The following PKLR variants were observed in gnomAD, a reference collection of about 807,000 sequenced individuals.
PKLR encodes pyruvate kinase L/R.
In PKLR, 38 loss-of-function variants were observed where a neutral mutation model predicts 53.6. The observed-to-expected ratio is 0.71, with a 90% CI of 0.55 to 0.93. The LOEUF is 0.93. PKLR is among the 40% of genes least tolerant of loss of function. PKLR has a pLI of 0.00. For synonymous variants in PKLR, 328 were observed against 316.2 expected (o/e 1.04, Z -0.39); for missense variants, 702 against 787.3 (o/e 0.89, Z 1.30).
chr1:155,308,588 TTGAG>T, the PKLR span: 3 of 985,438 alleles, frequency 3.0e-6, no homozygotes, highest in Non-Finnish European at 3.6e-6. Context: ...TAATGAAAAC[TTGAG>T]TAAGACAGGC....
At position 155,295,655 on chromosome 1, in the gene PKLR, C is replaced by T. The variant is rs8177971; in HGVS notation, c.375+10G>A. 6.2e-7 allele frequency: 1 copy of T among 1,614,074 alleles called. No homozygotes were observed. The highest frequency in any genetic ancestry group is 1.7e-5 in the Admixed American group (1 of 60,032). Reference sequence around the variant, plus strand: ...CTGCCCCACCCACTGCCCGGCGGCCCGTCCCGCACCTCGTGGGAGCCGTGG... The same window carrying T: ...CTGCCCCACCCACTGCCCGGCGGCCTGTCCCGCACCTCGTGGGAGCCGTGG... On this transcript the variant is annotated intron_variant, in intron 3 of 10. Transcript: ENST00000342741. This position sits in a 1 kb window ranked among gnomAD's most constrained non-coding sequence, Gnocchi z 4.3.
upstream of PKLR, among the ~76,000 whole-genome samples, chr1:155,302,483 C>T (rs7524950): frequency 0.35 from 52,645 of 151,482 alleles, 10,082 homozygotes; most frequent in East Asian, 0.7. Flanking sequence ...GTGATCTGCC[C>T]GCCACAGCTT....
chr1:155,290,613 AGCCAGGTC>A lies in PKLR; in HGVS notation c.1676_1683del (p.Arg559LeufsTer55), dbSNP rs771142025. 12 of 1,613,394 alleles carry A rather than the reference AGCCAGGTC, an allele frequency of 7.4e-6. No individual in the cohort carries two copies. The highest frequency in any genetic ancestry group is 1.0e-5 in the Non-Finnish European group (12 of 1,179,582). ...ACCCGCATGATGTTGGTGTAGCCGGAGCCAGGTCGCCAGCCTGTCACCACAATCACCAG... is the reference window on the plus strand; with the variant it reads ...ACCCGCATGATGTTGGTGTAGCCGGAGCCAGCCTGTCACCACAATCACCAG... On this transcript the variant is annotated frameshift_variant, in exon 11 of 11. Transcript: ENST00000342741. LOFTEE classifies it high-confidence loss of function.
At position 155,300,091 on chromosome 1, in the gene PKLR, T is replaced by G. The variant is rs765688762; in HGVS notation, c.283+7A>C. 1.2e-6 allele frequency: 2 copies of G among 1,613,182 alleles called. No homozygotes were observed. The highest frequency in any genetic ancestry group is 2.2e-5 in the South Asian group (2 of 91,062). On this transcript the variant is annotated splice_region_variant and intron_variant, in intron 2 of 10. Transcript: ENST00000342741. ...CTGTGTGGCTGCAGGGGGATGGGAGTGCTTACCGATGGTGGCAATGATGCT... is the reference window on the plus strand; with the variant it reads ...CTGTGTGGCTGCAGGGGGATGGGAGGGCTTACCGATGGTGGCAATGATGCT...
chr1:155,294,451 G>C, intron 6 of PKLR, 31 bp downstream of exon 6: 1 of 1,614,232 alleles, frequency 6.2e-7, no homozygotes, highest in Non-Finnish European at 8.5e-7. Flanking sequence ...AATAGCGACA[G>C]GGCCGAAGGG....
At chr1:155,299,069 CTTCT>C (rs1482899761) in intron 2 of PKLR, among the ~76,000 whole-genome samples, 1 of 138,164 alleles carries the variant, frequency 7.2e-6, no homozygotes. Context: ...TCCTTCCTTC[CTTCT>C]TTCTTTTCTT....
rs1647479362 is a variant in PKLR at position 155,295,050 on chromosome 1, G to T, written c.694+66C>A. On this transcript the variant is annotated intron_variant, in intron 5 of 10. Coordinates refer to ENST00000342741, the MANE Select transcript of PKLR (RefSeq NM_000298.6). The surrounding 1 kb of genome is among the most constrained non-coding windows in gnomAD (Gnocchi z 4.3). ...GTGTGATCGGTCTGAGGGCTGATGG[G>T]GGAGCCAAGGAGAAGGGAATGTGCC... 1.3e-6 allele frequency: 2 copies of T among 1,546,326 alleles called. No homozygotes were observed. The highest frequency in any genetic ancestry group is 2.3e-5 in the East Asian group (1 of 43,194).
At chr1:155,300,365 C>T in intron 1 of PKLR, 85 bp from the exon 2 acceptor site, 1 of 1,066,204 alleles carries the variant, frequency 9.4e-7, no homozygotes, top group African/African-American at 1.6e-5. Context: ...TCTGTTCCTT[C>T]CCTTCTTATG....
chr1:155,291,896 A>T lies in PKLR; in HGVS notation c.1478T>A (p.Val493Asp), dbSNP rs749456521. Reference sequence around the variant, plus strand: ...CTGGGCAGAGCGGGTGACAGCAATGACTGCTGCCCGAGGTCGGTACCGAGA... The same window carrying T: ...CTGGGCAGAGCGGGTGACAGCAATGTCTGCTGCCCGAGGTCGGTACCGAGA... The part of the protein sequence containing the change: ...LLSRYRPRAA[V>D]IAVTRSAQAA... The change falls in exon 10 of 11, where the codon GTC (valine) becomes GAC (aspartate). Residue 493 changes from valine (V) to aspartate (D), a missense_variant. Around this residue, in one of 2 missense-constraint regions of PKLR, gnomAD observed 183 missense variants for 250.2 expected, o/e 0.73. Coordinates refer to ENST00000342741, the MANE Select transcript of PKLR (RefSeq NM_000298.6). The T allele has an allele frequency of 1.9e-6, 3 of 1,613,836 alleles. No individual in the cohort carries two copies. The highest frequency in any genetic ancestry group is 2.5e-6 in the Non-Finnish European group (3 of 1,180,018).
intron 1 of PKLR, among the ~76,000 whole-genome samples, chr1:155,300,482 G>A (rs113768724): frequency 6.6e-5 from 10 of 152,252 alleles, no homozygotes; most frequent in African/African-American, 2.4e-4. Flanking sequence ...AGAAACAGAG[G>A]CTGAGAAACA....
At chr1:155,294,910 G>C (rs190445368) in intron 5 of PKLR, among the ~76,000 whole-genome samples, 158 bp from the exon 6 acceptor site, 2 of 152,372 alleles carry the variant, frequency 1.3e-5, no homozygotes, top group Admixed American at 1.3e-4. Flanking sequence ...GGCACAGATG[G>C]ACGTCCGTGG....
the PKLR span, among the ~76,000 whole-genome samples, chr1:155,307,577 T>C: frequency 6.6e-6 from 1 of 152,220 alleles, no homozygotes; most frequent in African/African-American, 2.4e-5. Flanking sequence ...TCTGGTGGTC[T>C]TCAACGCTAT....
chr1:155,307,849 C>T, the PKLR span, among the ~76,000 whole-genome samples: 3 of 152,058 alleles, frequency 2.0e-5, no homozygotes. Context: ...TGCTGGCAGG[C>T]ACCTGTAATC....
upstream of PKLR, among the ~76,000 whole-genome samples, chr1:155,305,448 G>T (rs965865809): frequency 6.6e-6 from 1 of 152,178 alleles, no homozygotes; most frequent in African/African-American, 2.4e-5. Context: ...GAAAGAGAGA[G>T]ATAGTAGAGA....
In PKLR at chr1:155,293,779, C is replaced by T. The variant is rs1400430299; in HGVS notation, c.1117-189G>A. Among the ~76,000 whole-genome samples, 1 of 152,142 alleles carries T rather than the reference C, an allele frequency of 6.6e-6. No individual in the cohort carries two copies. The highest frequency in any genetic ancestry group is 2.4e-5 in the African/African-American group (1 of 41,426). On this transcript the variant is annotated intron_variant, in intron 7 of 10. Coordinates refer to ENST00000342741, the MANE Select transcript of PKLR (RefSeq NM_000298.6). This position sits in a 1 kb window ranked among gnomAD's most constrained non-coding sequence, Gnocchi z 4.2. ...GGTCACAACCCCTGAAAATAGGGGT[C>T]AAAGTATATTTAACTTTGTCGTTTG...
At chr1:155,296,230 C>T (rs1647590439) in intron 2 of PKLR, among the ~76,000 whole-genome samples, 1 of 152,292 alleles carries the variant, frequency 6.6e-6, no homozygotes, top group African/African-American at 2.4e-5. Context: ...ATTCTTCGGT[C>T]CCTATCTGTC....
chr1:155,298,166 G>C (rs1647703124), intron 2 of PKLR, among the ~76,000 whole-genome samples: 1 of 152,058 alleles, frequency 6.6e-6, no homozygotes, highest in African/African-American at 2.4e-5. Context: ...CTTCCGAGTA[G>C]CTGGGACTAC....
chr1:155,290,205 C>G lies in PKLR; in HGVS notation c.*367G>C, dbSNP rs927280206. On this transcript the variant is annotated 3_prime_UTR_variant, in exon 11 of 11. Coordinates refer to ENST00000342741, the MANE Select transcript of PKLR (RefSeq NM_000298.6). ...AGATTGCCCTGTCTCCCCTCTCCCC[C>G]ACCCCAAGGGATGGGATGCCTGGGG... The G allele has an allele frequency of 6.5e-6, 2 of 305,678 alleles. No homozygotes were observed. Among genetic ancestry groups the G allele is most frequent in the Non-Finnish European group, 1.3e-5 (2 of 158,306 alleles). 18.9% of individuals were successfully genotyped at this position (305,678 alleles called of 1,614,324 possible).
Position 155,295,920 on chromosome 1 carries a change from C to T in PKLR, c.284-164G>A, listed in dbSNP as rs1335113695. 6.6e-6 allele frequency among the ~76,000 whole-genome samples: 1 copy of T among 152,242 alleles called. No homozygotes were observed. Among genetic ancestry groups the T allele is most frequent in the Non-Finnish European group, 1.5e-5 (1 of 68,042 alleles). ...CCCACAGATCACAGACTCCCCTTCC[C>T]TCTCAAGCCAACATCCATCCCCTTG... is the stretch of plus-strand genomic sequence containing the variant. On this transcript the variant is annotated intron_variant, in intron 2 of 10. Coordinates refer to ENST00000342741, the MANE Select transcript of PKLR (RefSeq NM_000298.6). The surrounding 1 kb of genome is among the most constrained non-coding windows in gnomAD (Gnocchi z 4.3).
Sources: allele counts gnomAD v4.1 joint callset (sites outside exome capture counted in the v4.1 genomes callset), GRCh38; gene constraint gnomAD v4.1.1; regional missense constraint gnomAD v4.1.1; non-coding constraint Gnocchi (gnomAD v3.1); transcripts MANE v1.5; gene names NCBI Gene and HGNC (gene_info 2026-07-23, HGNC 2026-07-21).